Variants in ZNF385D observed in about 807,000 individuals in gnomAD.
The protein encoded by ZNF385D is zinc finger protein 385D.
In ZNF385D, 15 loss-of-function variants were observed where a neutral mutation model predicts 35.8. The ratio of observed to expected loss-of-function variants is 0.42; its 90% CI spans 0.28 to 0.64. The LOEUF (loss-of-function observed/expected upper bound fraction) is 0.64. Among genes scored for constraint, ZNF385D ranks in the 30% least tolerant of loss-of-function variants. The pLI is 0.23. For synonymous variants in ZNF385D, 212 were observed against 186.8 expected (o/e 1.13, Z -1.10); for missense variants, 474 against 494.6 (o/e 0.96, Z 0.39).
chr3:21,719,554 C>A (rs139938965), intron 1 of ZNF385D, among the ~76,000 whole-genome samples: 1 of 152,196 alleles, frequency 6.6e-6, no homozygotes, highest in Non-Finnish European at 1.5e-5. Context: ...AAAAAACACA[C>A]CCCTGGGTAG....
chr3:21,452,181 C>A (rs1301779400), intron 4 of ZNF385D, among the ~76,000 whole-genome samples: 1 of 151,974 alleles, frequency 6.6e-6, no homozygotes, highest in South Asian at 2.1e-4. Flanking sequence ...ATTAAATTTA[C>A]CAAGGTTTCT....
At chr3:21,905,894 C>A (rs2125905128) in intron 3 of ZNF385D, among the ~76,000 whole-genome samples, 1 of 152,104 alleles carries the variant, frequency 6.6e-6, no homozygotes, top group South Asian at 2.1e-4. Context: ...CAAATGAAAA[C>A]TGTTAATTGT....
intron 3 of ZNF385D, among the ~76,000 whole-genome samples, chr3:21,847,417 C>A (rs1696081603): frequency 6.6e-6 from 1 of 151,926 alleles, no homozygotes; most frequent in Admixed American, 6.6e-5. Context: ...AAGGCTGCAC[C>A]AATAACTGAA....
At chr3:22,092,561 A>G (rs552710589) in intron 3 of ZNF385D, among the ~76,000 whole-genome samples, 10 of 152,236 alleles carry the variant, frequency 6.6e-5, no homozygotes, top group Middle Eastern at 3.4e-3. Flanking sequence ...GCCCTCTCCA[A>G]TGAATCTGGA....
chr3:22,139,363 C>T (rs185117906), intron 3 of ZNF385D, among the ~76,000 whole-genome samples: 3 of 152,202 alleles, frequency 2.0e-5, no homozygotes, highest in Admixed American at 1.3e-4. Context: ...TTGGAACCAA[C>T]CCAAATGTCC....
intron 3 of ZNF385D, among the ~76,000 whole-genome samples, chr3:21,840,166 T>C (rs753124922): frequency 6.6e-6 from 1 of 152,068 alleles, no homozygotes; most frequent in Non-Finnish European, 1.5e-5. Context: ...TTAAACTGAA[T>C]TTGTATTTCA....
intron 2 of ZNF385D, among the ~76,000 whole-genome samples, chr3:22,336,926 A>AAAAAAAAAAC (rs2125470762): frequency 6.8e-6 from 1 of 146,516 alleles, no homozygotes; most frequent in African/African-American, 2.5e-5. Flanking sequence ...AAAAAAAAAA[A>AAAAAAAAAAC]AAAAAAAAAA....
chr3:22,018,182 T>A (rs1342788018), intron 3 of ZNF385D, among the ~76,000 whole-genome samples: 1 of 151,794 alleles, frequency 6.6e-6, no homozygotes, highest in South Asian at 2.1e-4. Flanking sequence ...TTTTTAAAGA[T>A]GCGCAGTATC....
intron 3 of ZNF385D, among the ~76,000 whole-genome samples, chr3:22,113,720 C>G (rs1261504613): frequency 2.0e-5 from 3 of 152,042 alleles, no homozygotes; most frequent in East Asian, 3.9e-4. Context: ...TACACAGATA[C>G]AAATATAAAA....
intron 3 of ZNF385D, among the ~76,000 whole-genome samples, chr3:22,033,745 C>G (rs1698149582): frequency 6.6e-6 from 1 of 152,118 alleles, no homozygotes; most frequent in African/African-American, 2.4e-5. Context: ...ACATAAAAAG[C>G]AATTTTCCAT....
intron 3 of ZNF385D, among the ~76,000 whole-genome samples, chr3:22,017,270 T>C (rs1034833669): frequency 6.6e-6 from 1 of 152,092 alleles, no homozygotes; most frequent in Non-Finnish European, 1.5e-5. Context: ...CATACAGACA[T>C]AGTGAATTTT....
chr3:22,038,017 C>T (rs1436599004), intron 3 of ZNF385D, among the ~76,000 whole-genome samples: 1 of 152,080 alleles, frequency 6.6e-6, no homozygotes, highest in Non-Finnish European at 1.5e-5. Flanking sequence ...GGAAAACTGG[C>T]TAGCCATATG....
chr3:21,877,857 TA>T (rs1559715455), intron 3 of ZNF385D: 1 of 152,044 alleles, frequency 6.6e-6, no homozygotes, highest in Non-Finnish European at 1.5e-5. Flanking sequence ...TTTTCCACAA[TA>T]AATTTATTTG....
intron 3 of ZNF385D, among the ~76,000 whole-genome samples, chr3:22,047,876 G>A (rs1484820246): frequency 6.6e-6 from 1 of 151,986 alleles, no homozygotes; most frequent in Non-Finnish European, 1.5e-5. Flanking sequence ...CAGATACAAG[G>A]CTTCCCTTTT....
intron 3 of ZNF385D, among the ~76,000 whole-genome samples, chr3:22,025,895 G>A (rs1697513958): frequency 6.6e-6 from 1 of 152,182 alleles, no homozygotes; most frequent in Non-Finnish European, 1.5e-5. Context: ...GGCAACGGCA[G>A]TCATTCAACT....
intron 2 of ZNF385D, among the ~76,000 whole-genome samples, chr3:22,232,318 C>T (rs1161375974): frequency 3.6e-5 from 4 of 111,088 alleles, no homozygotes; most frequent in Admixed American, 7.7e-5. Context: ...TGTATGATTA[C>T]ACCTTTTTTT....
chr3:21,625,829 A>G (rs1445353819), intron 2 of ZNF385D, among the ~76,000 whole-genome samples: 2 of 152,270 alleles, frequency 1.3e-5, no homozygotes, highest in East Asian at 1.9e-4. Flanking sequence ...CAAAAATAGA[A>G]TACTTTTATC....
At chr3:22,291,184 C>T (rs1390969737) in intron 2 of ZNF385D, among the ~76,000 whole-genome samples, 2 of 152,120 alleles carry the variant, frequency 1.3e-5, no homozygotes, top group Non-Finnish European at 2.9e-5. Context: ...TTGGTTGTTA[C>T]TTTCTGATTT....
chr3:22,189,544 GA>G (rs1695876933), intron 2 of ZNF385D, among the ~76,000 whole-genome samples: 1 of 152,070 alleles, frequency 6.6e-6, no homozygotes, highest in South Asian at 2.1e-4. Flanking sequence ...AAGGGAACCC[GA>G]AAGAGAAGAA....
Sources: gnomAD v4.1 joint callset for allele counts (sites outside exome capture counted in the v4.1 genomes callset) on GRCh38, gnomAD v4.1.1 for gene constraint, MANE v1.5 for transcripts, NCBI Gene and HGNC (gene_info 2026-07-23, HGNC 2026-07-21) for gene names.